The following UNC5C variants were observed in gnomAD, a reference collection of about 807,000 sequenced individuals.
UNC5C encodes unc-5 netrin receptor C, also known as netrin receptor UNC5C.
A neutral mutation model predicts 99.8 loss-of-function variants in UNC5C; 47 were observed. The observed-to-expected ratio is 0.47, with a 90% CI of 0.37 to 0.60. The LOEUF (loss-of-function observed/expected upper bound fraction) is 0.60, where lower values mean the gene tolerates loss of function less well. UNC5C is among the 20% of genes least tolerant of loss of function. UNC5C has a pLI of 0.00. For synonymous variants in UNC5C, 487 were observed against 452.2 expected, an observed-to-expected ratio of 1.08 and a Z score of -0.98; for missense variants, 1,062 against 1,165.9, an observed-to-expected ratio of 0.91 and a Z score of 1.30.
rs557925010 is a variant in UNC5C, at chr4:95,284,828, C to T, written c.491-6466G>A. On this transcript the variant is annotated intron_variant, in intron 3 of 15. Coordinates refer to ENST00000453304, the MANE Select transcript of UNC5C (RefSeq NM_003728.4). ...GAAGAAAGCCTGTCATGCCAATGTG[C>T]GTATTTACAAAAGGGGCAGAACATC... is the stretch of plus-strand genomic sequence containing the variant. Among the ~76,000 whole-genome samples the T allele has an allele frequency of 1.1e-4, 17 of 152,182 alleles. 1 individual carries two copies. The South Asian group carries it at 1.5e-3, about 13-fold the overall frequency.
intron 1 of UNC5C, among the ~76,000 whole-genome samples, chr4:95,415,414 A>T (rs1456058666): frequency 2.6e-5 from 4 of 152,160 alleles, no homozygotes; most frequent in Non-Finnish European, 5.9e-5. Flanking sequence ...TCTGAAACCA[A>T]ATCTCAGAGG....
chr4:95,446,776 T>G (rs927973372), intron 1 of UNC5C, among the ~76,000 whole-genome samples: 2 of 151,070 alleles, frequency 1.3e-5, no homozygotes, highest in Non-Finnish European at 3.0e-5. Flanking sequence ...TTACTCAATA[T>G]AAATTTCTTT....
chr4:95,407,106 G>C (rs1307570749), intron 1 of UNC5C, among the ~76,000 whole-genome samples: 1 of 152,104 alleles, frequency 6.6e-6, no homozygotes, highest in Non-Finnish European at 1.5e-5. Context: ...GAATGGGAGA[G>C]TAGACAATAG....
chr4:95,388,353 C>A (rs1453859850), intron 1 of UNC5C, among the ~76,000 whole-genome samples: 1 of 152,064 alleles, frequency 6.6e-6, no homozygotes, highest in Non-Finnish European at 1.5e-5. Flanking sequence ...TATTGTTTCA[C>A]AATATAATCA....
chr4:95,333,099 AG>A (rs1743185795), intron 2 of UNC5C, among the ~76,000 whole-genome samples: 2 of 152,172 alleles, frequency 1.3e-5, no homozygotes, highest in Admixed American at 1.3e-4. Flanking sequence ...GTGGAGAAAT[AG>A]GAACACTTTT....
chr4:95,334,809 A>G (rs1743268976), intron 2 of UNC5C, among the ~76,000 whole-genome samples: 1 of 151,942 alleles, frequency 6.6e-6, no homozygotes, highest in African/African-American at 2.4e-5. Flanking sequence ...CCTCTGAGAA[A>G]GGGCTACAAT....
intron 1 of UNC5C, among the ~76,000 whole-genome samples, chr4:95,456,939 C>G (rs1396808164): frequency 6.6e-6 from 1 of 152,006 alleles, no homozygotes; most frequent in Non-Finnish European, 1.5e-5. Flanking sequence ...TTTTAAGTAA[C>G]ATGGGCAATA....
chr4:95,202,654 T>A, intron 12 of UNC5C, 77 bp downstream of exon 12: 1 of 1,409,182 alleles, frequency 7.1e-7, no homozygotes, highest in Admixed American at 2.0e-5. Flanking sequence ...CAGCCACATC[T>A]CCAAGTGTGC....
At chr4:95,498,657 T>C (rs185366852) in intron 1 of UNC5C, among the ~76,000 whole-genome samples, 28 of 152,114 alleles carry the variant, frequency 1.8e-4, no homozygotes, top group Non-Finnish European at 2.9e-5. Context: ...AAACCCCTTC[T>C]GTTTTATCGT....
intron 1 of UNC5C, among the ~76,000 whole-genome samples, chr4:95,432,009 A>G (rs1445843954): frequency 2.6e-5 from 4 of 152,150 alleles, no homozygotes; most frequent in African/African-American, 9.7e-5. Flanking sequence ...AAACAAATGT[A>G]AGAGATGTAA....
At chr4:95,195,908 A>G (rs553937224) in intron 12 of UNC5C, among the ~76,000 whole-genome samples, 14 of 152,280 alleles carry the variant, frequency 9.2e-5, no homozygotes, top group Admixed American at 8.5e-4. Context: ...CCATCAAAAA[A>G]AAAAAAGCCA....
chr4:95,396,404 A>T (rs1434699571), intron 1 of UNC5C, among the ~76,000 whole-genome samples: 1 of 152,214 alleles, frequency 6.6e-6, no homozygotes, highest in South Asian at 2.1e-4. Context: ...TTCTTTTCTC[A>T]GGGAAATATC....
chr4:95,399,759 T>C (rs1475032842), intron 1 of UNC5C, among the ~76,000 whole-genome samples: 1 of 152,212 alleles, frequency 6.6e-6, no homozygotes, highest in Admixed American at 6.5e-5. Flanking sequence ...CTTTTTCTTA[T>C]TCTCTTTTAT....
rs577982354 is a variant in UNC5C at position 95,177,504 on chromosome 4, G to A, written c.2451+5393C>T. On this transcript the variant is annotated intron_variant, in intron 14 of 15. Coordinates refer to ENST00000453304, the MANE Select transcript of UNC5C (RefSeq NM_003728.4). ...TGAGGTTGCAACTGCCTGTGTGCCA[G>A]TGTTGATTAGCAGTATGTTCCACAT... 1.8e-4 allele frequency among the ~76,000 whole-genome samples: 27 copies of A among 152,322 alleles called. 1 individual carries two copies. In the South Asian group the frequency reaches 5.0e-3, roughly 28 times the overall value.
chr4:95,187,938 G>T (rs1736901500), intron 12 of UNC5C, among the ~76,000 whole-genome samples: 1 of 152,116 alleles, frequency 6.6e-6, no homozygotes, highest in African/African-American at 2.4e-5. Context: ...TAGAGCAGAG[G>T]CTATAAACAT....
intron 7 of UNC5C, among the ~76,000 whole-genome samples, chr4:95,238,011 C>G (rs1263958392): frequency 6.6e-6 from 1 of 151,816 alleles, no homozygotes; most frequent in Non-Finnish European, 1.5e-5. Flanking sequence ...GCACTCCAGC[C>G]TGGCGACAGA....
At chr4:95,223,828 T>G (rs1178727317) in intron 7 of UNC5C, among the ~76,000 whole-genome samples, 1 of 152,182 alleles carries the variant, frequency 6.6e-6, no homozygotes, top group Non-Finnish European at 1.5e-5. Flanking sequence ...ACAAGTTCAC[T>G]GCTAGTAGAG....
At chr4:95,183,136 G>C in intron 13 of UNC5C, 75 bp from the exon 14 acceptor site, 2 of 1,415,102 alleles carry the variant, frequency 1.4e-6, no homozygotes, top group African/African-American at 1.4e-5. Flanking sequence ...CTGCTGCCAG[G>C]TACTCTGAGT....
In UNC5C at chr4:95,459,532, T is replaced by C. The variant is rs184321490; in HGVS notation, c.124+89202A>G. Among the ~76,000 whole-genome samples the C allele has an allele frequency of 9.3e-4, 142 of 152,260 alleles. 2 individuals carry two copies. The highest frequency in any genetic ancestry group is 3.0e-3 in the African/African-American group (123 of 41,572). On this transcript the variant is annotated intron_variant, in intron 1 of 15. Transcript: ENST00000453304. ...GACTATATCAGACTCATAAGTCACATTGTAGATGGAAAAAATGCAATCAAT... is the reference window on the plus strand; with the variant it reads ...GACTATATCAGACTCATAAGTCACACTGTAGATGGAAAAAATGCAATCAAT...
Sources: gnomAD v4.1 joint callset for allele counts (sites outside exome capture counted in the v4.1 genomes callset) on GRCh38, gnomAD v4.1.1 for gene constraint, MANE v1.5 for transcripts, NCBI Gene and HGNC (gene_info 2026-07-23, HGNC 2026-07-21) for gene names.